Variants in RAD23B observed in about 807,000 individuals in gnomAD.
RAD23B encodes the protein RAD23 nucleotide excision repair protein B, also known as lysine-specific demethylase RAD23B.
In RAD23B, 5 loss-of-function variants were observed where a neutral mutation model predicts 49.1. The observed-to-expected ratio is 0.10, with a 90% CI of 0.05 to 0.21. The LOEUF is 0.21. RAD23B is among the 10% of genes least tolerant of loss of function. RAD23B has a pLI of 1.00. For missense variants in RAD23B, 356 were observed against 486.7 expected (o/e 0.73, Z 2.53); for synonymous variants, 184 against 165.4 (o/e 1.11, Z -0.86).
intron 6 of RAD23B, among the ~76,000 whole-genome samples, chr9:107,321,049 C>CT (rs1169307405): frequency 1.3e-5 from 2 of 152,074 alleles, no homozygotes; most frequent in African/African-American, 4.8e-5. Context: ...AATGACAAGT[C>CT]TATCAATCAT....
intron 1 of RAD23B, among the ~76,000 whole-genome samples, chr9:107,296,566 CT>C (rs113179056): frequency 0.037 from 5,210 of 142,196 alleles, 288 homozygotes; most frequent in African/African-American, 0.14. Context: ...GTCTCTCTCT[CT>C]TTTTTTTTTT....
Position 107,332,011 on chromosome 9 carries a change from G to A in RAD23B, c.*2355G>A, listed in dbSNP as rs762197184. ...TGTCATTTCTTGAAATCTTTTTCTC[G>A]TTTAGTTGCTCTGTGGGAAATGTGA... On this transcript the variant is annotated 3_prime_UTR_variant, in exon 10 of 10. Coordinates refer to ENST00000358015, the MANE Select transcript of RAD23B (RefSeq NM_002874.5). 17 of 375,168 alleles carry A rather than the reference G, an allele frequency of 4.5e-5. No homozygotes were observed. Among genetic ancestry groups the A allele is most frequent in the Non-Finnish European group, 7.1e-5 (15 of 212,434 alleles). 23.2% of individuals were successfully genotyped at this position (375,168 alleles called of 1,614,324 possible). A position where few individuals can be genotyped will look rare whatever the true frequency, so the allele number is the denominator to read the frequency against.
At chr9:107,319,403 T>A (rs887840783) in intron 6 of RAD23B, among the ~76,000 whole-genome samples, 4 of 152,136 alleles carry the variant, frequency 2.6e-5, no homozygotes, top group African/African-American at 9.7e-5. Context: ...GTGCTGGGAT[T>A]ACAGGTGTGA....
At chr9:107,319,617 AATTC>A (rs1359752801) in intron 6 of RAD23B, among the ~76,000 whole-genome samples, 2 of 152,194 alleles carry the variant, frequency 1.3e-5, no homozygotes, top group Admixed American at 6.5e-5. Context: ...CGTGGAATCT[AATTC>A]ATTATCCTCT....
At chr9:107,307,517 A>G (rs767749167) in intron 4 of RAD23B, among the ~76,000 whole-genome samples, 6 of 152,352 alleles carry the variant, frequency 3.9e-5, no homozygotes, top group Non-Finnish European at 8.8e-5. Flanking sequence ...TTTGTGACTT[A>G]GTGCAACTCA....
At chr9:107,283,782 C>T in intron 1 of RAD23B, 87 bp downstream of exon 1, 5 of 1,210,084 alleles carry the variant, frequency 4.1e-6, no homozygotes, top group African/African-American at 1.6e-5. Context: ...CGCGCTCCAG[C>T]GGGGGAAGCC....
chr9:107,301,832 T>TG (rs1826660757), intron 2 of RAD23B, among the ~76,000 whole-genome samples: 1 of 152,166 alleles, frequency 6.6e-6, no homozygotes, highest in African/African-American at 2.4e-5. Flanking sequence ...TGAGCCACCA[T>TG]GCCCTGCCAC....
chr9:107,326,952 C>T (rs1827217878), intron 9 of RAD23B, among the ~76,000 whole-genome samples: 1 of 152,036 alleles, frequency 6.6e-6, no homozygotes, highest in Non-Finnish European at 1.5e-5. Context: ...TTTTCTATTT[C>T]TTTTAGAGTC....
At chr9:107,293,975 G>T in intron 1 of RAD23B, among the ~76,000 whole-genome samples, 1 of 152,150 alleles carries the variant, frequency 6.6e-6, no homozygotes, top group East Asian at 1.9e-4. Flanking sequence ...TTTGGAGATG[G>T]TGGCTCACTA....
At position 107,292,388 on chromosome 9, in the gene RAD23B, A is replaced by G. The variant is rs1183168594; in HGVS notation, c.67-7753A>G. ...AAAGTGTGGCAGATTGCCTTTAAAAATGCCTGGTCAGGCTGAGCGCCGTGG... is the reference window on the plus strand; with the variant it reads ...AAAGTGTGGCAGATTGCCTTTAAAAGTGCCTGGTCAGGCTGAGCGCCGTGG... On this transcript the variant is annotated intron_variant, in intron 1 of 9. Transcript: ENST00000358015. Among the ~76,000 whole-genome samples the G allele has an allele frequency of 2.6e-5, 4 of 152,210 alleles. No homozygotes were observed. In the East Asian group the frequency reaches 7.7e-4, roughly 29 times the overall value.
intron 1 of RAD23B, among the ~76,000 whole-genome samples, chr9:107,297,230 T>A (rs1401251163): frequency 6.6e-6 from 1 of 152,210 alleles, no homozygotes; most frequent in Non-Finnish European, 1.5e-5. Flanking sequence ...TAATTTTTCT[T>A]CTTTATTGAA....
Position 107,283,684 on chromosome 9 carries a change from C to G in RAD23B, c.55C>G (p.Pro19Ala). ...GCAGACCTTCAAGATAGACATTGAC[C>G]CCGAGGAGACGGTATGCGCGCGGGC... Reference protein sequence around the residue: ...QQQTFKIDIDPEETVKALKEK... With the variant: ...QQQTFKIDIDAEETVKALKEK... Residue 19 changes from proline (P) to alanine (A), a missense_variant, in exon 1 of 10, where the codon CCC becomes GCC. Transcript: ENST00000358015. The G allele has an allele frequency of 1.4e-6, 2 of 1,472,578 alleles. No homozygotes were observed. Among genetic ancestry groups the G allele is most frequent in the Non-Finnish European group, 1.8e-6 (2 of 1,108,578 alleles). 91.2% of individuals were successfully genotyped at this position (1,472,578 alleles called of 1,614,324 possible).
intron 1 of RAD23B, chr9:107,283,970 G>C (rs1833217507): frequency 1.8e-6 from 2 of 1,123,988 alleles, no homozygotes; most frequent in African/African-American, 3.3e-5. Flanking sequence ...GGGCCTAGGA[G>C]CTCGTGCTAG....
chr9:107,318,073 T>G lies in RAD23B; in HGVS notation c.554-679T>G, dbSNP rs1407291450. ...GACCTCCTGCTAATTCTCCCTTACC[T>G]TCATACCTCATTTTTCTATTGTACT... On this transcript the variant is annotated intron_variant, in intron 5 of 9. Coordinates refer to ENST00000358015, the MANE Select transcript of RAD23B (RefSeq NM_002874.5). This position sits in a 1 kb window ranked among gnomAD's most constrained non-coding sequence, Gnocchi z 4.3. 1.3e-5 allele frequency among the ~76,000 whole-genome samples: 2 copies of G among 152,194 alleles called. No homozygotes were observed. Among genetic ancestry groups the G allele is most frequent in the African/African-American group, 4.8e-5 (2 of 41,442 alleles).
intron 9 of RAD23B, among the ~76,000 whole-genome samples, chr9:107,327,632 A>G (rs961047129): frequency 1.4e-4 from 21 of 152,294 alleles, no homozygotes; most frequent in African/African-American, 5.1e-4. Flanking sequence ...ATATACTTTC[A>G]ATACTTTTCA....
rs1827035618 is a variant in RAD23B, at chr9:107,318,317, C to T, written c.554-435C>T. On this transcript the variant is annotated intron_variant, in intron 5 of 9. Transcript: ENST00000358015. This position sits in a 1 kb window ranked among gnomAD's most constrained non-coding sequence, Gnocchi z 4.3. ...CCTACCATACCTTGGCTGGTAGCCC[C>T]TTTCTGCATCTTCAAAGGCAACAGC... is the stretch of plus-strand genomic sequence containing the variant. Among the ~76,000 whole-genome samples the T allele has an allele frequency of 6.6e-6, 1 of 152,110 alleles. No individual in the cohort carries two copies. The highest frequency in any genetic ancestry group is 2.4e-5 in the African/African-American group (1 of 41,410).
At chr9:107,297,630 G>A (rs2133070893) in intron 1 of RAD23B, among the ~76,000 whole-genome samples, 1 of 152,028 alleles carries the variant, frequency 6.6e-6, no homozygotes, top group East Asian at 1.9e-4. Context: ...GAACCACTGT[G>A]CCCAGCCTTA....
rs766346381 is a variant in RAD23B at position 107,329,665 on chromosome 9, T to A, written c.*9T>A. The A allele has an allele frequency of 6.4e-7, 1 of 1,563,492 alleles. No individual in the cohort carries two copies. Among genetic ancestry groups the A allele is most frequent in the South Asian group, 1.1e-5 (1 of 89,938 alleles). On this transcript the variant is annotated 3_prime_UTR_variant, in exon 10 of 10. Coordinates refer to ENST00000358015, the MANE Select transcript of RAD23B (RefSeq NM_002874.5). ...ACTTTGATGAAGATTGAAAGGGACT[T>A]TTTTATATCTCACACTTCACACCAG... is the stretch of plus-strand genomic sequence containing the variant.
At chr9:107,284,703 A>G (rs187481778) in intron 1 of RAD23B, 1 of 1,111,976 alleles carries the variant, frequency 9.0e-7, no homozygotes, top group Non-Finnish European at 1.1e-6. Flanking sequence ...TCATAATACT[A>G]AGTTTAAACC....
Sources: gnomAD v4.1 joint callset for allele counts (sites outside exome capture counted in the v4.1 genomes callset) on GRCh38, gnomAD v4.1.1 for gene constraint, Gnocchi (gnomAD v3.1) non-coding constraint, MANE v1.5 for transcripts, NCBI Gene and HGNC (gene_info 2026-07-23, HGNC 2026-07-21) for gene names.